Variants in SFRP2 observed in about 807,000 individuals in gnomAD.
SFRP2 encodes the protein secreted frizzled related protein 2.
Under a neutral mutation model 26.0 loss-of-function variants are expected in SFRP2, and 16 were observed. The ratio of observed to expected loss-of-function variants is 0.61; its 90% CI spans 0.42 to 0.93. SFRP2 has a LOEUF of 0.93. Ranked by LOEUF, SFRP2 falls within the 40% of genes least tolerant of loss-of-function variation. The pLI is 0.00. For synonymous variants in SFRP2, 173 were observed against 167.3 expected (o/e 1.03, Z -0.26); for missense variants, 343 against 392.4 (o/e 0.87, Z 1.06).
In SFRP2 at chr4:153,788,590, C is replaced by T. The variant is rs79844222; in HGVS notation, c.246G>A (p.Leu82=). The change falls in exon 1 of 3, where the codon CTG becomes CTA. Residue 82 remains leucine (L), a synonymous_variant. Transcript: ENST00000274063. ...VLEQAGAWIP[L]VMKQCHPDTK... ...TGTCCGGGTGGCACTGCTTCATGACCAGCGGGATCCAAGCGCCGGCCTGCT... is the reference window on the plus strand; with the variant it reads ...TGTCCGGGTGGCACTGCTTCATGACTAGCGGGATCCAAGCGCCGGCCTGCT... The T allele has an allele frequency of 1.5e-3, 2,465 of 1,614,162 alleles. 32 individuals carry two copies. The African/African-American group carries it at 0.029, about 19-fold the overall frequency.
chr4:153,784,110 CA>C (rs1487426238), intron 2 of SFRP2, among the ~76,000 whole-genome samples: 2 of 152,146 alleles, frequency 1.3e-5, no homozygotes, highest in African/African-American at 2.4e-5. Context: ...TTCCCAAAGC[CA>C]ATTGTTATGG....
At chr4:153,783,535 T>C (rs1296558838) in intron 2 of SFRP2, among the ~76,000 whole-genome samples, 2 of 152,184 alleles carry the variant, frequency 1.3e-5, no homozygotes, top group Admixed American at 6.5e-5. Flanking sequence ...TTTCCTGTCC[T>C]GGAGGATGTG....
At chr4:153,781,824 G>A in intron 2 of SFRP2, 69 bp from the exon 3 acceptor site, 1 of 1,360,590 alleles carries the variant, frequency 7.3e-7, no homozygotes, top group Non-Finnish European at 1.0e-6. Context: ...CCCCCATTCT[G>A]CCAACTCGTG....
rs552258278 is a variant in SFRP2, at chr4:153,781,814, C to G, written c.584-59G>C. ...ATAATGAGGGAATACAGTATACCTC[C>G]CCCCATTCTGCCAACTCGTGTGACT... On this transcript the variant is annotated intron_variant, in intron 2 of 2. Transcript: ENST00000274063. The G allele has an allele frequency of 1.8e-5, 25 of 1,424,298 alleles. No individual in the cohort carries two copies. In the South Asian group the frequency reaches 2.9e-4, roughly 16 times the overall value. 88.2% of individuals were successfully genotyped at this position (1,424,298 alleles called of 1,614,324 possible).
In SFRP2 at chr4:153,788,650, G is replaced by A. The variant is rs779169377; in HGVS notation, c.186C>T (p.Asn62=). 8.1e-6 allele frequency: 13 copies of A among 1,614,098 alleles called. No individual in the cohort carries two copies. In the African/African-American group the frequency reaches 1.7e-4, roughly 22 times the overall value. Reference sequence around the variant, plus strand: ...CCTTCATGGTCTCGTGGCCCAGCAGGTTGGGCAGCCGCATGTTCTGGTATT... The same window carrying A: ...CCTTCATGGTCTCGTGGCCCAGCAGATTGGGCAGCCGCATGTTCTGGTATT... ...GIEYQNMRLP[N]LLGHETMKEV... The change falls in exon 1 of 3, where the codon AAC becomes AAT. Residue 62 remains asparagine (N), a synonymous_variant. Coordinates refer to ENST00000274063, the MANE Select transcript of SFRP2 (RefSeq NM_003013.3).
intron 1 of SFRP2, among the ~76,000 whole-genome samples, chr4:153,786,473 CA>C (rs34176108): frequency 0.037 from 5,613 of 152,174 alleles, 265 homozygotes; most frequent in East Asian, 0.2. Context: ...CTCTGTATCT[CA>C]GGGGGGCCAA....
In SFRP2 at chr4:153,788,826, C is replaced by T. The variant is rs1741263935; in HGVS notation, c.10G>A (p.Gly4Ser). Reference protein sequence around the residue: MLQGPGSLLLLFLA... With the variant: MLQSPGSLLLLFLA... ...AAGAGCAGCAGCAGCGAGCCAGGGCCCTGCAGCATCGTGGGCGCGCGACCC... is the reference window on the plus strand; with the variant it reads ...AAGAGCAGCAGCAGCGAGCCAGGGCTCTGCAGCATCGTGGGCGCGCGACCC... The change falls in exon 1 of 3, where the codon GGC (glycine) becomes AGC (serine). Residue 4 changes from glycine to serine, a missense_variant. This residue lies in a region of SFRP2 where 251 missense variants were observed against 253.3 expected (regional missense o/e 0.99). Transcript: ENST00000274063. The T allele has an allele frequency of 1.3e-6, 2 of 1,591,176 alleles. No homozygotes were observed. The highest frequency in any genetic ancestry group is 1.7e-6 in the Non-Finnish European group (2 of 1,174,116).
intron 2 of SFRP2, among the ~76,000 whole-genome samples, chr4:153,783,505 A>G (rs1322685730): frequency 6.6e-6 from 1 of 152,220 alleles, no homozygotes; most frequent in Non-Finnish European, 1.5e-5. Flanking sequence ...AACAGAGAGA[A>G]TTGAATCCCC....
Position 153,788,947 on chromosome 4 carries a change from C to G in SFRP2, c.-112G>C. The G allele has an allele frequency of 2.3e-6, 3 of 1,316,530 alleles. No homozygotes were observed. The highest frequency in any genetic ancestry group is 3.0e-6 in the Non-Finnish European group (3 of 1,006,046). 81.6% of individuals were successfully genotyped at this position (1,316,530 alleles called of 1,614,324 possible). A position where few individuals can be genotyped will look rare whatever the true frequency, so the allele number is the denominator to read the frequency against. ...CTCTTCGCTGGGTGCGACTCGGGGC[C>G]CCGAAAAGCTGGCAGCCGGCGGCTG... On this transcript the variant is annotated 5_prime_UTR_variant, in exon 1 of 3. Transcript: ENST00000274063.
rs573196460 is a variant in SFRP2 at position 153,787,000 on chromosome 4, G to A, written c.503-1056C>T. 6.0e-4 allele frequency among the ~76,000 whole-genome samples: 91 copies of A among 152,198 alleles called. 1 individual carries two copies. Among genetic ancestry groups the A allele is most frequent in the Non-Finnish European group, 9.3e-4 (63 of 68,020 alleles). ...GAAAACTATGTGACTTAATAGAAGC[G>A]TTATTTATCAAATTAGAAAAATCAC... On this transcript the variant is annotated intron_variant, in intron 1 of 2. Transcript: ENST00000274063.
intron 2 of SFRP2, among the ~76,000 whole-genome samples, chr4:153,785,277 G>A (rs1258071329): frequency 2.6e-5 from 4 of 152,038 alleles, no homozygotes; most frequent in Non-Finnish European, 1.5e-5. Flanking sequence ...GTTGTTAGGT[G>A]TTCCATGTTA....
intron 1 of SFRP2, among the ~76,000 whole-genome samples, chr4:153,786,228 T>C (rs1414749413): frequency 1.3e-5 from 2 of 152,202 alleles, no homozygotes; most frequent in African/African-American, 4.8e-5. Context: ...GGGCAGAGTA[T>C]ACAAGTGTAT....
rs1741123210 is a variant in SFRP2, at chr4:153,781,625, C to T, written c.714G>A (p.Trp238Ter). Residue 238 changes from tryptophan (W) to a stop codon, truncating the protein, a stop_gained, in exon 3 of 3, where the codon TGG becomes TGA. Transcript: ENST00000274063. LOFTEE classifies it high-confidence loss of function. Reference sequence around the variant, plus strand: ...AGGTGCACTGCAAGCTGTCTTTGAGCCACAGCACCGATTTCTTCAGGTCCC... The same window carrying T: ...AGGTGCACTGCAAGCTGTCTTTGAGTCACAGCACCGATTTCTTCAGGTCCC... ...SERDLKKSVL[W>*]LKDSLQCTCE... The T allele has an allele frequency of 6.2e-7, 1 of 1,614,170 alleles. No homozygotes were observed. The highest frequency in any genetic ancestry group is 8.5e-7 in the Non-Finnish European group (1 of 1,180,022).
At chr4:153,787,859 T>G (rs1415457528) in intron 1 of SFRP2, among the ~76,000 whole-genome samples, 1 of 152,198 alleles carries the variant, frequency 6.6e-6, no homozygotes, top group South Asian at 2.1e-4. Flanking sequence ...ACAGGAAATG[T>G]TCCTGTGACT....
chr4:153,785,554 C>CA (rs369450385), intron 2 of SFRP2, among the ~76,000 whole-genome samples: 889 of 46,508 alleles, frequency 0.019, 36 homozygotes, highest in African/African-American at 0.065. Context: ...TGCCTGTCGG[C>CA]AAAAAAAAAA....
chr4:153,788,877 G>T lies in SFRP2; in HGVS notation c.-42C>A. 6.6e-7 allele frequency: 1 copy of T among 1,513,664 alleles called. No individual in the cohort carries two copies. Among genetic ancestry groups the T allele is most frequent in the East Asian group, 2.4e-5 (1 of 41,456 alleles). 93.8% of individuals were successfully genotyped at this position (1,513,664 alleles called of 1,614,324 possible). A position where few individuals can be genotyped will look rare whatever the true frequency, so the allele number is the denominator to read the frequency against. Reference sequence around the variant, plus strand: ...CGAGGGGGCAGAGGGAGCGGAGCCGGGGAAGGGCGAGGCGGCCGGAGTTCG... The same window carrying T: ...CGAGGGGGCAGAGGGAGCGGAGCCGTGGAAGGGCGAGGCGGCCGGAGTTCG... On this transcript the variant is annotated 5_prime_UTR_variant, in exon 1 of 3. Transcript: ENST00000274063.
At position 153,788,852 on chromosome 4, in the gene SFRP2, C is replaced by G. The variant is rs983496237; in HGVS notation, c.-17G>C. On this transcript the variant is annotated 5_prime_UTR_variant, in exon 1 of 3. Transcript: ENST00000274063. ...CTGCAGCATCGTGGGCGCGCGACCCCGAGGGGGCAGAGGGAGCGGAGCCGG... is the reference window on the plus strand; with the variant it reads ...CTGCAGCATCGTGGGCGCGCGACCCGGAGGGGGCAGAGGGAGCGGAGCCGG... 6 of 1,567,048 alleles carry G rather than the reference C, an allele frequency of 3.8e-6. No individual in the cohort carries two copies. The Admixed American group carries it at 7.2e-5, about 19-fold the overall frequency.
At position 153,788,705 on chromosome 4, in the gene SFRP2, G is replaced by A; in HGVS notation, c.131C>T (p.Pro44Leu). Reference protein sequence around the residue: ...SYKRSNCKPIPANLQLCHGIE... With the variant: ...SYKRSNCKPILANLQLCHGIE... ...GCCGTGGCACAGCTGCAGGTTGGCA[G>A]GGATGGGCTTGCAATTGCTGCGCTT... The change falls in exon 1 of 3, where the codon CCT becomes CTT. Residue 44 changes from proline to leucine, a missense_variant. By Grantham distance (98) the Pro-to-Leu change is moderately conservative. Around this residue, in one of 2 missense-constraint regions of SFRP2, gnomAD observed 251 missense variants for 253.3 expected, o/e 0.99. Transcript: ENST00000274063. The A allele has an allele frequency of 6.2e-7, 1 of 1,613,976 alleles. No individual in the cohort carries two copies.
intron 2 of SFRP2, among the ~76,000 whole-genome samples, chr4:153,783,964 C>G (rs1301434253): frequency 6.6e-6 from 1 of 152,162 alleles, no homozygotes; most frequent in African/African-American, 2.4e-5. Flanking sequence ...GAAAGGCTTT[C>G]TCTCTGTAAG....
Sources: gnomAD v4.1 joint callset for allele counts (sites outside exome capture counted in the v4.1 genomes callset) on GRCh38, gnomAD v4.1.1 for gene constraint, gnomAD v4.1.1 regional missense constraint, MANE v1.5 for transcripts, NCBI Gene and HGNC (gene_info 2026-07-23, HGNC 2026-07-21) for gene names.